The following CP variants were observed in gnomAD, a reference collection of about 807,000 sequenced individuals.
CP encodes the protein ceruloplasmin.
A neutral mutation model predicts 122.4 loss-of-function variants in CP; 64 were observed. That is an observed-to-expected ratio of 0.52 (90% CI 0.43 to 0.64). The LOEUF (loss-of-function observed/expected upper bound fraction) is 0.64, where lower values mean the gene tolerates loss of function less well. CP is among the 30% of genes least tolerant of loss of function. CP has a pLI of 0.00. For missense variants in CP, 1,167 were observed against 1,284.4 expected (o/e 0.91, Z 1.40); for synonymous variants, 440 against 436.4 (o/e 1.01, Z -0.10).
At chr3:149,185,494 TG>T (rs1202744610) in intron 11 of CP, 48 bp from the exon 12 acceptor site, 2 of 1,560,484 alleles carry the variant, frequency 1.3e-6, no homozygotes, top group African/African-American at 1.4e-5. Flanking sequence ...TAGTGCCCTC[TG>T]GGGCTCTCCA....
downstream of CP, chr3:149,170,544 A>T (rs1443530751): frequency 1.3e-5 from 2 of 152,166 alleles, no homozygotes; most frequent in Admixed American, 6.5e-5. Flanking sequence ...TAGGACTTGG[A>T]AGATTAAGTG....
intron 8 of CP, among the ~76,000 whole-genome samples, chr3:149,199,330 C>T (rs34875136): frequency 0.014 from 2,177 of 152,094 alleles, 53 homozygotes; most frequent in African/African-American, 0.048. Flanking sequence ...AGAGCGATTG[C>T]TTATAGAACT....
chr3:149,163,849 C>T (rs745410758), intron 5 of CP: 1 of 1,514,056 alleles, frequency 6.6e-7, no homozygotes, highest in South Asian at 1.1e-5. Flanking sequence ...TAGATAAATG[C>T]CTGTAGTCAT....
In CP at chr3:149,212,545, T is replaced by G. The variant is rs751078883; in HGVS notation, c.300A>C (p.Glu100Asp). 6.2e-7 allele frequency: 1 copy of G among 1,614,062 alleles called. No homozygotes were observed. The highest frequency in any genetic ancestry group is 8.5e-7 in the Non-Finnish European group (1 of 1,179,980). Residue 100 changes from glutamate to aspartate, a missense_variant, in exon 2 of 19, where the codon GAA (glutamate) becomes GAC (aspartate). This residue lies in a region of CP where 642 missense variants were observed against 627.3 expected (regional missense o/e 1.02). Transcript: ENST00000264613. Reference protein sequence around the residue: ...LGFLGPIIKAETGDKVYVHLK... With the variant: ...LGFLGPIIKADTGDKVYVHLK... ...AGTGTACATAAACTTTATCTCCAGT[T>G]TCAGCTTTGATAATAGGGCCTAAAA... is the stretch of plus-strand genomic sequence containing the variant.
intron 9 of CP, among the ~76,000 whole-genome samples, chr3:149,193,005 C>CAG (rs1553760443): frequency 3.2e-4 from 49 of 151,818 alleles, no homozygotes; most frequent in Non-Finnish European, 5.5e-4. Context: ...CACACACACA[C>CAG]GCATACACTC....
At chr3:149,178,094 T>A (rs1288611341) in intron 16 of CP, 115 bp from the exon 17 acceptor site, 5 of 970,956 alleles carry the variant, frequency 5.1e-6, no homozygotes, top group Non-Finnish European at 8.1e-6. Flanking sequence ...GTAATAGGAC[T>A]TATTTTACTA....
chr3:149,168,265 A>T (rs188100826), downstream of CP: 3 of 372,348 alleles, frequency 8.1e-6, no homozygotes, highest in Non-Finnish European at 1.5e-5. Flanking sequence ...AAATGTGAGT[A>T]GTCATTAAGG....
At chr3:149,207,750 C>T (rs1244081289) in intron 4 of CP, 133 bp from the exon 5 acceptor site, 3 of 883,156 alleles carry the variant, frequency 3.4e-6, no homozygotes, top group African/African-American at 1.7e-5. Flanking sequence ...GCCCCCTATA[C>T]TCATGTCAGA....
rs113858031 is a variant in CP at position 149,163,018 on chromosome 3, C to T, written c.*14-143G>A. The T allele has an allele frequency of 1.0e-4, 75 of 748,898 alleles. 1 individual carries two copies. Among genetic ancestry groups the T allele is most frequent in the African/African-American group, 9.8e-4 (56 of 56,940 alleles). The allele number at this position is 748,898 out of a possible 1,614,324, so 46.4% of individuals were successfully genotyped here. A position where few individuals can be genotyped will look rare whatever the true frequency, so the allele number is the denominator to read the frequency against. On this transcript the variant is annotated intron_variant, in intron 5 of 5. Transcript: ENST00000479771. Reference sequence around the variant, plus strand: ...CTTATTTATGCAGGAGTTAAAAATACACTTAAAATTTGTCTTTAACTGAAG... The same window carrying T: ...CTTATTTATGCAGGAGTTAAAAATATACTTAAAATTTGTCTTTAACTGAAG...
chr3:149,182,265 C>T, intron 13 of CP, 132 bp from the exon 14 acceptor site: 1 of 995,820 alleles, frequency 1.0e-6, no homozygotes, highest in Non-Finnish European at 1.5e-6. Flanking sequence ...TATACTGCGT[C>T]CCAGGGAATT....
chr3:149,165,757 A>C (rs1398177358), intron 5 of CP, among the ~76,000 whole-genome samples: 2 of 152,124 alleles, frequency 1.3e-5, no homozygotes, highest in African/African-American at 2.4e-5. Flanking sequence ...GCTCCTTCCT[A>C]CTGCCCCCAC....
In CP at chr3:149,209,240, T is replaced by C; in HGVS notation, c.752A>G (p.Glu251Gly). The C allele has an allele frequency of 1.2e-6, 2 of 1,613,800 alleles. No individual in the cohort carries two copies. Among genetic ancestry groups the C allele is most frequent in the Non-Finnish European group, 1.7e-6 (2 of 1,179,756 alleles). The change falls in exon 4 of 19, where the codon GAA (glutamate) becomes GGA (glycine). Residue 251 changes from glutamate (E) to glycine (G), a missense_variant. Glu to Gly is a moderately conservative substitution (Grantham distance 98, BLOSUM62 -2). Coordinates refer to ENST00000264613, the MANE Select transcript of CP (RefSeq NM_000096.4). ...CATTCTGTTACTCTCCTGGAAGTCT[T>C]CGTTGTCTTTGTCAACTTTCTCTGG... ...SEPEKVDKDN[E>G]DFQESNRMYS... is the part of the protein sequence containing the mutation.
At chr3:149,185,169 A>C in intron 12 of CP, 70 bp downstream of exon 12, 1 of 1,482,014 alleles carries the variant, frequency 6.7e-7, no homozygotes, top group Non-Finnish European at 9.3e-7. Flanking sequence ...AATTTGGTGT[A>C]ATTCTTACTT....
At chr3:149,209,089 T>C in intron 4 of CP, 122 bp downstream of exon 4, 2 of 1,264,826 alleles carry the variant, frequency 1.6e-6, no homozygotes, top group East Asian at 4.8e-5. Flanking sequence ...ACATCCAATA[T>C]GCTTTGTTAT....
chr3:149,179,759 A>G, intron 14 of CP, 97 bp from the exon 15 acceptor site: 1 of 777,004 alleles, frequency 1.3e-6, no homozygotes, highest in South Asian at 1.5e-5. Context: ...CAGCCTTGAT[A>G]ACTAGGACCC....
chr3:149,188,278 G>T, intron 9 of CP, 76 bp from the exon 10 acceptor site: 1 of 1,223,046 alleles, frequency 8.2e-7, no homozygotes, highest in Non-Finnish European at 1.2e-6. Context: ...TACTATTTAT[G>T]CACAAACACA....
chr3:149,181,267 TCA>T (rs1236856044), intron 14 of CP, among the ~76,000 whole-genome samples: 1 of 152,154 alleles, frequency 6.6e-6, no homozygotes, highest in East Asian at 1.9e-4. Context: ...TTGCTGCTGC[TCA>T]CACACACCAG....
chr3:149,199,725 G>A lies in CP; in HGVS notation c.1488C>T (p.Asn496=). 6.2e-7 allele frequency: 1 copy of A among 1,614,056 alleles called. No homozygotes were observed. Among genetic ancestry groups the A allele is most frequent in the East Asian group, 2.2e-5 (1 of 44,876 alleles). Residue 496 remains asparagine (N), a synonymous_variant, in exon 8 of 19, where the codon AAC becomes AAT. Transcript: ENST00000264613. ...CTGTATACTCACTTCTGCTCTGGGGGTTGTAATTTGGGGAATAGTATGTGC... is the reference window on the plus strand; with the variant it reads ...CTGTATACTCACTTCTGCTCTGGGGATTGTAATTTGGGGAATAGTATGTGC... ...NEGTYYSPNY[N]PQSRSVPPSA... is the part of the protein sequence containing the mutation.
In CP at chr3:149,199,795, A is replaced by C. The variant is rs776210641; in HGVS notation, c.1418T>G (p.Leu473Arg). ...VTFHNKGAYP[L>R]SIEPIGVRFN... ...TCTCACCCCAATCGGCTCAATACTG[A>C]GGGGATATGCTCCTTTGTTATGGAA... Residue 473 changes from leucine (L) to arginine (R), a missense_variant, in exon 8 of 19, where the codon CTC (leucine) becomes CGC (arginine). By Grantham distance (102) the Leu-to-Arg change is moderately radical. Coordinates refer to ENST00000264613, the MANE Select transcript of CP (RefSeq NM_000096.4). 1 of 1,614,100 alleles carries C rather than the reference A, an allele frequency of 6.2e-7. No homozygotes were observed. Among genetic ancestry groups the C allele is most frequent in the South Asian group, 1.1e-5 (1 of 91,084 alleles).
Sources: gnomAD v4.1 joint callset for allele counts (sites outside exome capture counted in the v4.1 genomes callset) on GRCh38, gnomAD v4.1.1 for gene constraint, gnomAD v4.1.1 regional missense constraint, MANE v1.5 for transcripts, NCBI Gene and HGNC (gene_info 2026-07-23, HGNC 2026-07-21) for gene names.